The following CLGN variants were observed in gnomAD, a reference collection of about 807,000 sequenced individuals.
CLGN encodes calmegin.
A neutral mutation model predicts 79.1 loss-of-function variants in CLGN; 62 were observed. The ratio of observed to expected loss-of-function variants is 0.78; its 90% CI spans 0.64 to 0.97. The LOEUF (loss-of-function observed/expected upper bound fraction) is 0.97. Ranked by LOEUF, CLGN falls within the 50% of genes least tolerant of loss-of-function variation. CLGN has a pLI of 0.00. For missense variants in CLGN, 647 were observed against 715.5 expected (o/e 0.90, Z 1.09); for synonymous variants, 225 against 224.7 (o/e 1.00, Z -0.01).
Position 140,389,081 on chromosome 4 carries a change from G to A in CLGN, c.*143C>T. 3.2e-6 allele frequency: 2 copies of A among 628,202 alleles called. No homozygotes were observed. The highest frequency in any genetic ancestry group is 2.8e-5 in the East Asian group (1 of 35,818). 38.9% of individuals were successfully genotyped at this position (628,202 alleles called of 1,614,324 possible). On this transcript the variant is annotated 3_prime_UTR_variant, in exon 15 of 15. Coordinates refer to ENST00000325617, the MANE Select transcript of CLGN (RefSeq NM_004362.3). ...TTGCTTCTTTTTCCTCTGAAATGAA[G>A]GACTAAAATAAATGTCTGAAAGAAT...
intron 1 of CLGN, among the ~76,000 whole-genome samples, chr4:140,422,911 C>T (rs1292923656): frequency 6.6e-6 from 1 of 152,188 alleles, no homozygotes; most frequent in East Asian, 1.9e-4. Context: ...GCCACCATGC[C>T]TGGCCTTCAT....
At chr4:140,415,003 C>T (rs1175111913) in intron 1 of CLGN, among the ~76,000 whole-genome samples, 1 of 151,328 alleles carries the variant, frequency 6.6e-6, no homozygotes, top group African/African-American at 2.4e-5. Flanking sequence ...GCGGATCTCT[C>T]AGCAGAAACC....
intron 10 of CLGN, 57 bp from the exon 11 acceptor site, chr4:140,394,098 G>T: frequency 8.2e-7 from 1 of 1,219,136 alleles, no homozygotes; most frequent in Non-Finnish European, 1.2e-6. Context: ...TATAAATGCT[G>T]CTTAATAAGT....
chr4:140,400,046 C>T (rs1477302597), intron 7 of CLGN, among the ~76,000 whole-genome samples: 1 of 152,152 alleles, frequency 6.6e-6, no homozygotes, highest in African/African-American at 2.4e-5. Flanking sequence ...TCTAAAATGT[C>T]CTTTCACCCT....
At chr4:140,409,984 T>C (rs17839475) in intron 3 of CLGN, 89 bp from the exon 4 acceptor site, 2 of 792,960 alleles carry the variant, frequency 2.5e-6, no homozygotes, top group Admixed American at 5.2e-5. Flanking sequence ...CAATAAAAGA[T>C]CACCCAATAC....
intron 1 of CLGN, among the ~76,000 whole-genome samples, chr4:140,413,958 T>A (rs1729268923): frequency 6.6e-6 from 1 of 152,222 alleles, no homozygotes. Flanking sequence ...AACGTCCCTG[T>A]CTGACAGCTT....
chr4:140,396,905 A>ATT (rs1446674018), intron 8 of CLGN, among the ~76,000 whole-genome samples: 1 of 39,534 alleles, frequency 2.5e-5, no homozygotes, highest in Admixed American at 2.2e-4. Context: ...ATATATATAT[A>ATT]TGTATATATA....
intron 4 of CLGN, 99 bp from the exon 5 acceptor site, chr4:140,406,182 T>A: frequency 1.7e-6 from 2 of 1,192,564 alleles, no homozygotes; most frequent in Non-Finnish European, 1.2e-6. Flanking sequence ...CCAGGAAGCC[T>A]GACTTGGGAA....
At chr4:140,414,611 T>G (rs1358349894) in intron 1 of CLGN, among the ~76,000 whole-genome samples, 1 of 143,992 alleles carries the variant, frequency 6.9e-6, no homozygotes, top group Non-Finnish European at 1.5e-5. Flanking sequence ...CGATGGAAGA[T>G]GAAATGAATG....
chr4:140,422,413 A>G (rs940836169), intron 1 of CLGN, among the ~76,000 whole-genome samples: 9 of 152,128 alleles, frequency 5.9e-5, no homozygotes, highest in Non-Finnish European at 1.2e-4. Context: ...CCATTGATTA[A>G]TATTTGTTTC....
chr4:140,401,002 A>G (rs1257878111), intron 6 of CLGN, among the ~76,000 whole-genome samples: 1 of 152,068 alleles, frequency 6.6e-6, no homozygotes, highest in African/African-American at 2.4e-5. Flanking sequence ...GAGGACATGA[A>G]TTTCTCTTTA....
intron 1 of CLGN, among the ~76,000 whole-genome samples, chr4:140,420,603 C>T (rs1311483083): frequency 1.3e-5 from 2 of 151,856 alleles, no homozygotes; most frequent in African/African-American, 2.4e-5. Context: ...CGTAATGCTG[C>T]AGTATCCTAT....
At chr4:140,392,424 T>G in intron 12 of CLGN, 46 bp from the exon 13 acceptor site, 1 of 1,541,502 alleles carries the variant, frequency 6.5e-7, no homozygotes, top group Non-Finnish European at 8.7e-7. Context: ...CAGAGTGCTA[T>G]TTTGAAAGTT....
At position 140,391,722 on chromosome 4, in the gene CLGN, G is replaced by T. The variant is rs182239897; in HGVS notation, c.1651+497C>A. Among the ~76,000 whole-genome samples, 165 of 151,902 alleles carry T rather than the reference G, an allele frequency of 1.1e-3. 2 individuals carry two copies. The highest frequency in any genetic ancestry group is 3.8e-3 in the African/African-American group (156 of 41,532). The stretch of plus-strand genomic sequence containing the variant: ...AACATCTTCAAGAGTTTAACATAGG[G>T]TGAGAAGGGGATATAGGTTCAGCAA... On this transcript the variant is annotated intron_variant, in intron 13 of 14. Coordinates refer to ENST00000325617, the MANE Select transcript of CLGN (RefSeq NM_004362.3).
In CLGN at chr4:140,396,897, ATATATATATG is replaced by A. The variant is rs1371555772; in HGVS notation, c.885-702_885-693del. Among the ~76,000 whole-genome samples, 519 of 75,426 alleles carry A rather than the reference ATATATATATG, an allele frequency of 6.9e-3. 4 individuals are homozygous for A. The highest frequency in any genetic ancestry group is 0.019 in the African/African-American group (438 of 22,854). The allele number at this position is 75,426 out of a possible 152,430, so 49.5% of individuals were successfully genotyped here. On this transcript the variant is annotated intron_variant, in intron 8 of 14. Coordinates refer to ENST00000325617, the MANE Select transcript of CLGN (RefSeq NM_004362.3). ...TACATATATATATATATATGTATAT[ATATATATATG>A]TATATATATATATATACACATATAT... is the stretch of plus-strand genomic sequence containing the variant.
At chr4:140,420,809 T>C (rs144057912) in intron 1 of CLGN, among the ~76,000 whole-genome samples, 1 of 152,274 alleles carries the variant, frequency 6.6e-6, no homozygotes, top group Non-Finnish European at 1.5e-5. Flanking sequence ...GATGCTGGGG[T>C]AATACTACAA....
rs78242360 is a variant in CLGN at position 140,400,663 on chromosome 4, A to G, written c.502-114T>C. 7.1e-3 allele frequency: 4,448 copies of G among 627,030 alleles called. 27 individuals are homozygous for G. Among genetic ancestry groups the G allele is most frequent in the Non-Finnish European group, 9.6e-3 (3,616 of 376,600 alleles). 38.8% of individuals were successfully genotyped at this position (627,030 alleles called of 1,614,324 possible). A position where few individuals can be genotyped will look rare whatever the true frequency, so the allele number is the denominator to read the frequency against. On this transcript the variant is annotated intron_variant, in intron 6 of 14. Coordinates refer to ENST00000325617, the MANE Select transcript of CLGN (RefSeq NM_004362.3). ...AAAATATATTAAATGGTAATTCACC[A>G]GAGAGCTAGCTATTTAATACAAGTG...
At chr4:140,395,164 T>TG (rs1578593021) in intron 10 of CLGN, among the ~76,000 whole-genome samples, 2 of 151,180 alleles carry the variant, frequency 1.3e-5, no homozygotes, top group East Asian at 1.9e-4. Flanking sequence ...TTTTTGTTTT[T>TG]TTGTTTTGAG....
chr4:140,406,433 T>C (rs758162334), intron 4 of CLGN, among the ~76,000 whole-genome samples: 18 of 152,360 alleles, frequency 1.2e-4, no homozygotes, highest in Non-Finnish European at 2.6e-4. Flanking sequence ...ATGTCAATAT[T>C]GTATTTTCAA....
Sources: allele counts gnomAD v4.1 joint callset (sites outside exome capture counted in the v4.1 genomes callset), GRCh38; gene constraint gnomAD v4.1.1; transcripts MANE v1.5; gene names NCBI Gene and HGNC (gene_info 2026-07-23, HGNC 2026-07-21).